The following SPOCK3 variants were observed in gnomAD, a reference collection of about 807,000 sequenced individuals.
The protein encoded by SPOCK3 is testican-3.
A neutral mutation model predicts 56.6 loss-of-function variants in SPOCK3; 30 were observed. The observed-to-expected ratio is 0.53, with a 90% CI of 0.40 to 0.72. SPOCK3 has a LOEUF of 0.72. Ranked by LOEUF, SPOCK3 falls within the 30% of genes least tolerant of loss-of-function variation. The pLI, the probability that SPOCK3 is intolerant of heterozygous loss-of-function variation, is 0.00. For missense variants in SPOCK3, 527 were observed against 530.0 expected, an observed-to-expected ratio of 0.99 and a Z score of 0.06; for synonymous variants, 196 against 183.3, an observed-to-expected ratio of 1.07 and a Z score of -0.56.
chr4:167,102,180 C>T (rs1186460080), intron 2 of SPOCK3, among the ~76,000 whole-genome samples: 1 of 152,000 alleles, frequency 6.6e-6, no homozygotes, highest in Non-Finnish European at 1.5e-5. Context: ...CCTCAGGTAA[C>T]AAGATAGATT....
At chr4:166,735,881 G>A (rs1219250384) in intron 10 of SPOCK3, among the ~76,000 whole-genome samples, 1 of 151,844 alleles carries the variant, frequency 6.6e-6, no homozygotes, top group African/African-American at 2.4e-5. Flanking sequence ...CCACTGAGTG[G>A]GAATTTGTTA....
chr4:167,038,663 CAAAA>C (rs558863795), intron 3 of SPOCK3, among the ~76,000 whole-genome samples: 2 of 107,990 alleles, frequency 1.9e-5, no homozygotes, highest in Admixed American at 1.1e-4. Context: ...TTATTTTTTC[CAAAA>C]AAAAAAAAAA....
At chr4:167,087,896 A>G (rs1580251970) in intron 2 of SPOCK3, among the ~76,000 whole-genome samples, 1 of 152,136 alleles carries the variant, frequency 6.6e-6, no homozygotes, top group Non-Finnish European at 1.5e-5. Flanking sequence ...AATAAAATCA[A>G]TGATGTAGGT....
At chr4:166,895,983 T>C (rs1273698251) in intron 5 of SPOCK3, among the ~76,000 whole-genome samples, 1 of 152,088 alleles carries the variant, frequency 6.6e-6, no homozygotes, top group Non-Finnish European at 1.5e-5. Context: ...CAAGAAAATG[T>C]GTACATCTGA....
chr4:166,792,928 T>C (rs546677942), intron 6 of SPOCK3, among the ~76,000 whole-genome samples: 2 of 152,334 alleles, frequency 1.3e-5, no homozygotes, highest in East Asian at 3.9e-4. Flanking sequence ...AGTAACTTCC[T>C]CTTTGTTTTT....
intron 7 of SPOCK3, among the ~76,000 whole-genome samples, chr4:166,766,625 T>C (rs948613531): frequency 6.6e-6 from 1 of 152,224 alleles, no homozygotes; most frequent in Admixed American, 6.5e-5. Context: ...TCAATGTTCA[T>C]CAGCGATATT....
At chr4:167,168,774 C>A (rs937377996) in intron 2 of SPOCK3, among the ~76,000 whole-genome samples, 6 of 152,104 alleles carry the variant, frequency 3.9e-5, no homozygotes, top group Non-Finnish European at 7.4e-5. Flanking sequence ...GGAATAATGT[C>A]TTGGCAGAGC....
intron 4 of SPOCK3, among the ~76,000 whole-genome samples, chr4:166,928,109 C>A (rs1739321754): frequency 6.6e-6 from 1 of 152,184 alleles, no homozygotes; most frequent in African/African-American, 2.4e-5. Flanking sequence ...ACTATAGAGA[C>A]TCTGATTCAT....
intron 6 of SPOCK3, among the ~76,000 whole-genome samples, chr4:166,860,502 G>C (rs548593843): frequency 2.0e-5 from 3 of 151,944 alleles, no homozygotes; most frequent in African/African-American, 7.2e-5. Flanking sequence ...TATTATAAAT[G>C]TTTAAGTGCT....
chr4:167,100,314 T>C (rs964323955), intron 2 of SPOCK3, among the ~76,000 whole-genome samples: 3 of 152,100 alleles, frequency 2.0e-5, no homozygotes, highest in African/African-American at 7.2e-5. Flanking sequence ...TTCTCTTTTC[T>C]GTTACTAAAA....
chr4:167,199,831 T>A (rs932243171), intron 2 of SPOCK3, among the ~76,000 whole-genome samples: 1 of 150,852 alleles, frequency 6.6e-6, no homozygotes, highest in African/African-American at 2.4e-5. Flanking sequence ...TCATATGTAC[T>A]ATTCTAAACT....
chr4:166,781,851 C>T (rs57868511), intron 7 of SPOCK3, among the ~76,000 whole-genome samples: 32,107 of 151,942 alleles, frequency 0.21, 3,932 homozygotes, highest in Non-Finnish European at 0.28. Flanking sequence ...CCAGAAACAG[C>T]GGCATGACAG....
intron 2 of SPOCK3, among the ~76,000 whole-genome samples, chr4:167,099,124 T>G (rs1759416047): frequency 1.3e-5 from 2 of 152,002 alleles, no homozygotes; most frequent in Admixed American, 1.3e-4. Flanking sequence ...TGTTTTTGAT[T>G]CTTTCTCGAG....
chr4:166,781,539 G>A (rs1161932323), intron 7 of SPOCK3, among the ~76,000 whole-genome samples: 1 of 151,960 alleles, frequency 6.6e-6, no homozygotes, highest in Non-Finnish European at 1.5e-5. Context: ...AACAATCTAA[G>A]AGAGAAGTAA....
Position 166,942,915 on chromosome 4 carries a change from C to T in SPOCK3, c.351-30172G>A, listed in dbSNP as rs538020450. 3.9e-5 allele frequency among the ~76,000 whole-genome samples: 6 copies of T among 152,238 alleles called. No homozygotes were observed. In the South Asian group the frequency reaches 1.2e-3, roughly 32 times the overall value. On this transcript the variant is annotated intron_variant, in intron 4 of 10. Coordinates refer to ENST00000357545, the MANE Select transcript of SPOCK3 (RefSeq NM_001040159.2). The stretch of plus-strand genomic sequence containing the variant: ...ATTTTAGAATCATCATTATGTAAAA[C>T]TTTGACATGTGGAAGCTGTTTATAT...
At chr4:166,935,416 C>A (rs941598005) in intron 4 of SPOCK3, among the ~76,000 whole-genome samples, 5 of 152,114 alleles carry the variant, frequency 3.3e-5, no homozygotes, top group African/African-American at 1.2e-4. Flanking sequence ...ACATGGGGAA[C>A]CAACACAAAC....
At chr4:166,945,062 T>C (rs1741559431) in intron 4 of SPOCK3, among the ~76,000 whole-genome samples, 1 of 152,206 alleles carries the variant, frequency 6.6e-6, no homozygotes, top group African/African-American at 2.4e-5. Context: ...TATCAATCTT[T>C]GAGCACTTCT....
intron 2 of SPOCK3, among the ~76,000 whole-genome samples, chr4:167,114,147 A>T (rs1204278513): frequency 6.6e-6 from 1 of 152,200 alleles, no homozygotes; most frequent in South Asian, 2.1e-4. Context: ...CTCTAAAATA[A>T]ACGAGAGAGA....
intron 3 of SPOCK3, among the ~76,000 whole-genome samples, chr4:167,028,993 A>T (rs986903605): frequency 3.3e-5 from 5 of 151,952 alleles, no homozygotes; most frequent in Non-Finnish European, 5.9e-5. Context: ...AACGAGTGCC[A>T]TGGTGGTTTC....
Sources: allele counts gnomAD v4.1 joint callset (sites outside exome capture counted in the v4.1 genomes callset), GRCh38; gene constraint gnomAD v4.1.1; transcripts MANE v1.5; gene names NCBI Gene and HGNC (gene_info 2026-07-23, HGNC 2026-07-21).